The following PHACTR2 variants were observed in gnomAD, a reference collection of about 807,000 sequenced individuals.
PHACTR2 encodes phosphatase and actin regulator 2, also known as chromosome 6 open reading frame 56.
In PHACTR2, 30 loss-of-function variants were observed where a neutral mutation model predicts 76.0. The ratio of observed to expected loss-of-function variants is 0.39; its 90% confidence interval spans 0.30 to 0.54. The LOEUF is 0.54. PHACTR2 is among the 20% of genes least tolerant of loss of function. The pLI is 0.61. For synonymous variants in PHACTR2, 292 were observed against 292.5 expected (o/e 1.00, Z 0.02); for missense variants, 696 against 781.1 (o/e 0.89, Z 1.30).
Position 143,777,299 on chromosome 6 carries a change from C to T in PHACTR2, c.1590-29C>T. 1 of 1,386,478 alleles carries T rather than the reference C, an allele frequency of 7.2e-7. No individual in the cohort carries two copies. Among genetic ancestry groups the T allele is most frequent in the Non-Finnish European group, 1.0e-6 (1 of 986,550 alleles). 85.9% of individuals were successfully genotyped at this position (1,386,478 alleles called of 1,614,324 possible). A position where few individuals can be genotyped will look rare whatever the true frequency, so the allele number is the denominator to read the frequency against. ...TCCTACTAGGGTACCTTGTTTTTAACCTGTAATATATCCTTTTTGTCATCA... is the reference window on the plus strand; with the variant it reads ...TCCTACTAGGGTACCTTGTTTTTAATCTGTAATATATCCTTTTTGTCATCA... On this transcript the variant is annotated intron_variant, in intron 8 of 12. Coordinates refer to ENST00000440869, the MANE Select transcript of PHACTR2 (RefSeq NM_001100164.2). This position sits in a 1 kb window ranked among gnomAD's most constrained non-coding sequence, Gnocchi z 4.6.
At chr6:143,660,025 T>C (rs1407499024) in intron 1 of PHACTR2, among the ~76,000 whole-genome samples, 4 of 152,212 alleles carry the variant, frequency 2.6e-5, no homozygotes, top group African/African-American at 9.6e-5. Context: ...TCAGATCTGG[T>C]GTTTTCTCAG....
In PHACTR2 at chr6:143,827,205, T is replaced by TATGTATA. The variant is rs1170069425; in HGVS notation, c.*3516_*3517insATGTATA. ...ATATATATATATATATATATGTATA[T>TATGTATA]TATATATACAGTAGCTTACACTTAA... On this transcript the variant is annotated 3_prime_UTR_variant, in exon 13 of 13. Coordinates refer to ENST00000440869, the MANE Select transcript of PHACTR2 (RefSeq NM_001100164.2). 1.6e-5 allele frequency: 2 copies of TATGTATA among 121,640 alleles called. No individual in the cohort carries two copies. The highest frequency in any genetic ancestry group is 5.2e-4 in the East Asian group (2 of 3,834). The allele number at this position is 121,640 out of a possible 1,614,324, so 7.5% of individuals were successfully genotyped here.
intron 1 of PHACTR2, among the ~76,000 whole-genome samples, chr6:143,559,706 T>C (rs1002739239): frequency 8.9e-5 from 11 of 124,240 alleles, no homozygotes; most frequent in Admixed American, 3.3e-4. Context: ...TTTTTTTTTT[T>C]TTTTTTTTTT....
upstream of PHACTR2, among the ~76,000 whole-genome samples, chr6:143,676,395 A>C (rs779969542): frequency 5.9e-5 from 9 of 152,242 alleles, no homozygotes; most frequent in Non-Finnish European, 1.3e-4. This position sits in a 1 kb window ranked among gnomAD's most constrained non-coding sequence, Gnocchi z 4.8. Context: ...TTTAACTTTT[A>C]TCAGTATTTA....
Position 143,658,875 on chromosome 6 carries a change from C to T in PHACTR2, c.13+50553C>T, listed in dbSNP as rs3902794. On this transcript the variant is annotated intron_variant, in intron 1 of 11. Transcript: ENST00000305766. The surrounding 1 kb of genome is among the most constrained non-coding windows in gnomAD (Gnocchi z 4.1). ...CCTCATCTCTACTAAAAATACAAAA[C>T]TTAGCCGGTCAGGGTGGCATGCGCC... Among the ~76,000 whole-genome samples, 6,417 of 151,834 alleles carry T rather than the reference C, an allele frequency of 0.042. 213 individuals carry two copies. The highest frequency in any genetic ancestry group is 0.082 in the African/African-American group (3,389 of 41,414).
In PHACTR2 at chr6:143,760,656, G is replaced by A; in HGVS notation, c.694+16G>A. The A allele has an allele frequency of 6.2e-7, 1 of 1,613,284 alleles. No homozygotes were observed. The highest frequency in any genetic ancestry group is 8.5e-7 in the Non-Finnish European group (1 of 1,179,612). On this transcript the variant is annotated intron_variant, in intron 5 of 12. Transcript: ENST00000440869. This position sits in a 1 kb window ranked among gnomAD's most constrained non-coding sequence, Gnocchi z 6.4. ...CGAGAGGCTGGTGAGTATGCCCCCA[G>A]TGCCCTGTGGGGTCACTTCTAGGGT...
chr6:143,749,762 CAAAAG>C, intron 3 of PHACTR2, among the ~76,000 whole-genome samples: 1 of 152,210 alleles, frequency 6.6e-6, no homozygotes, highest in East Asian at 1.9e-4. Flanking sequence ...TACTGACCCT[CAAAAG>C]AAGACGCTAA....
At chr6:143,572,907 A>G (rs1302872788) in intron 1 of PHACTR2, among the ~76,000 whole-genome samples, 1 of 152,222 alleles carries the variant, frequency 6.6e-6, no homozygotes, top group Non-Finnish European at 1.5e-5. Context: ...TGAATCTATT[A>G]TCATCAAATT....
At chr6:143,638,805 T>A (rs766625274) in intron 1 of PHACTR2, among the ~76,000 whole-genome samples, 13 of 152,228 alleles carry the variant, frequency 8.5e-5, no homozygotes, top group Non-Finnish European at 1.5e-4. Flanking sequence ...GCTTCTTGCA[T>A]ATAGGGAAGT....
Position 143,608,583 on chromosome 6 carries a change from G to A in PHACTR2, c.13+261G>A, listed in dbSNP as rs1336213555. Reference sequence around the variant, plus strand: ...TGCTATTTAGGCTGAAGCAAGTGTGGTGTTTGATTCTTTTGTGCTCAGAGC... The same window carrying A: ...TGCTATTTAGGCTGAAGCAAGTGTGATGTTTGATTCTTTTGTGCTCAGAGC... On this transcript the variant is annotated intron_variant, in intron 1 of 11. Coordinates refer to the PHACTR2 transcript ENST00000305766. This position sits in a 1 kb window ranked among gnomAD's most constrained non-coding sequence, Gnocchi z 4.6. Among the ~76,000 whole-genome samples, 1 of 152,188 alleles carries A rather than the reference G, an allele frequency of 6.6e-6. No individual in the cohort carries two copies. Among genetic ancestry groups the A allele is most frequent in the Non-Finnish European group, 1.5e-5 (1 of 68,040 alleles).
chr6:143,629,716 A>C (rs892513216), intron 1 of PHACTR2, among the ~76,000 whole-genome samples: 4 of 152,054 alleles, frequency 2.6e-5, no homozygotes, highest in African/African-American at 9.7e-5. Context: ...AGAGGAGGAA[A>C]AAATTCCAAG....
At chr6:143,675,410 A>G (rs2128451668), upstream of PHACTR2, among the ~76,000 whole-genome samples, 1 of 152,312 alleles carries the variant, frequency 6.6e-6, no homozygotes, top group Non-Finnish European at 1.5e-5. The surrounding 1 kb of genome is among the most constrained non-coding windows in gnomAD (Gnocchi z 4.9). Context: ...TGGTGGGCCA[A>G]ATTGTTACAT....
At position 143,583,209 on chromosome 6, in the gene PHACTR2, C is replaced by T. The variant is rs557240182; in HGVS notation, c.217+46002C>T. Among the ~76,000 whole-genome samples the T allele has an allele frequency of 1.3e-5, 2 of 152,304 alleles. No individual in the cohort carries two copies. Among genetic ancestry groups the T allele is most frequent in the African/African-American group, 4.8e-5 (2 of 41,570 alleles). On this transcript the variant is annotated intron_variant, in intron 1 of 11. Coordinates refer to the PHACTR2 transcript ENST00000367584. The surrounding 1 kb of genome is among the most constrained non-coding windows in gnomAD (Gnocchi z 4.0). ...GCCACGGTAGTGATAAAGAGCATTCCTCCACAATCCGTCCATTTCTGGGAA... is the reference window on the plus strand; with the variant it reads ...GCCACGGTAGTGATAAAGAGCATTCTTCCACAATCCGTCCATTTCTGGGAA...
At chr6:143,577,895 C>T (rs76346089) in intron 1 of PHACTR2, among the ~76,000 whole-genome samples, 11 of 152,126 alleles carry the variant, frequency 7.2e-5, no homozygotes, top group African/African-American at 1.9e-4. Context: ...CAAGGGAAAG[C>T]GAGAGGTATG....
intron 1 of PHACTR2, among the ~76,000 whole-genome samples, chr6:143,569,073 C>T (rs1043236824): frequency 6.6e-6 from 1 of 152,170 alleles, no homozygotes; most frequent in African/African-American, 2.4e-5. Flanking sequence ...ATCTTCCCAA[C>T]CCATATTTGG....
chr6:143,546,941 G>A lies in PHACTR2; in HGVS notation c.217+9734G>A, dbSNP rs1250957120. On this transcript the variant is annotated intron_variant, in intron 1 of 11. Transcript: ENST00000367584. This position sits in a 1 kb window ranked among gnomAD's most constrained non-coding sequence, Gnocchi z 4.9. ...AGTCCTTGCTACTCAGGAGGCTGAA[G>A]TGGAAAGATTGCTTGAATCCAGCAG... is the stretch of plus-strand genomic sequence containing the variant. 1.3e-5 allele frequency among the ~76,000 whole-genome samples: 2 copies of A among 152,156 alleles called. No individual in the cohort carries two copies. The highest frequency in any genetic ancestry group is 2.1e-4 in the South Asian group (1 of 4,820).
Position 143,597,567 on chromosome 6 carries a change from A to C in PHACTR2, c.217+60360A>C, listed in dbSNP as rs1775768231. Among the ~76,000 whole-genome samples, 1 of 152,208 alleles carries C rather than the reference A, an allele frequency of 6.6e-6. No individual in the cohort carries two copies. The highest frequency in any genetic ancestry group is 6.5e-5 in the Admixed American group (1 of 15,278). ...GTTGTAATTTGTCCTGGACTCTTGG[A>C]TTCCTCTTCTGCTGTCTGTTTTTCC... On this transcript the variant is annotated intron_variant, in intron 1 of 11. Transcript: ENST00000367584. This position sits in a 1 kb window ranked among gnomAD's most constrained non-coding sequence, Gnocchi z 5.7.
chr6:143,701,705 C>T (rs1777915991), intron 1 of PHACTR2, among the ~76,000 whole-genome samples: 1 of 152,234 alleles, frequency 6.6e-6, no homozygotes, highest in African/African-American at 2.4e-5. Flanking sequence ...TCAGCCTCAA[C>T]TTCCTCATCT....
rs1260370729 is a variant in PHACTR2 at position 143,780,307 on chromosome 6, A to C, written c.1646-2912A>C. Among the ~76,000 whole-genome samples, 1 of 151,968 alleles carries C rather than the reference A, an allele frequency of 6.6e-6. No homozygotes were observed. The highest frequency in any genetic ancestry group is 1.5e-5 in the Non-Finnish European group (1 of 67,992). On this transcript the variant is annotated intron_variant, in intron 9 of 12. Transcript: ENST00000440869. The surrounding 1 kb of genome is among the most constrained non-coding windows in gnomAD (Gnocchi z 4.4). Reference sequence around the variant, plus strand: ...CTTTAAGTTTATGTGTGTCTTTTTCATTTGCTAAAAACACCCATATGAGGC... The same window carrying C: ...CTTTAAGTTTATGTGTGTCTTTTTCCTTTGCTAAAAACACCCATATGAGGC...
Sources: gnomAD v4.1 joint callset for allele counts (sites outside exome capture counted in the v4.1 genomes callset) on GRCh38, gnomAD v4.1.1 for gene constraint, Gnocchi (gnomAD v3.1) non-coding constraint, MANE v1.5 for transcripts, NCBI Gene and HGNC (gene_info 2026-07-23, HGNC 2026-07-21) for gene names.